Variants in COL13A1 observed in about 807,000 individuals in gnomAD.
COL13A1 encodes the protein collagen type XIII alpha 1 chain, also known as collagen alpha-1(XIII) chain.
Under a neutral mutation model 130.9 loss-of-function variants are expected in COL13A1, and 89 were observed. The observed-to-expected ratio is 0.68, with a 90% CI of 0.57 to 0.81. The LOEUF is 0.81. Among genes scored for constraint, COL13A1 ranks in the 30% least tolerant of loss-of-function variants. The probability of loss-of-function intolerance (pLI) is 0.00; values close to 1 mark genes in which losing one functional copy is unlikely to be tolerated. For synonymous variants in COL13A1, 402 were observed against 341.6 expected (o/e 1.18, Z -1.95); for missense variants, 879 against 934.6 (o/e 0.94, Z 0.78).
intron 17 of COL13A1, among the ~76,000 whole-genome samples, chr10:69,910,356 T>A (rs1304245259): frequency 6.6e-6 from 1 of 152,012 alleles, no homozygotes; most frequent in African/African-American, 2.4e-5. Context: ...GAGGTCAGGA[T>A]GTGAGCGGGA....
chr10:69,921,844 C>T (rs777842843), intron 21 of COL13A1, 38 bp from the exon 22 acceptor site: 2 of 1,586,918 alleles, frequency 1.3e-6, no homozygotes, highest in Non-Finnish European at 8.6e-7. Flanking sequence ...GCTGCAGAAA[C>T]AGTTCCTAAC....
chr10:69,930,167 G>T, intron 29 of COL13A1, 80 bp downstream of exon 29: 1 of 1,460,342 alleles, frequency 6.8e-7, no homozygotes, highest in South Asian at 1.2e-5. Flanking sequence ...GAAGGCTCTA[G>T]AATTGGCCCT....
intron 16 of COL13A1, 95 bp from the exon 17 acceptor site, chr10:69,905,692 C>T (rs1037815854): frequency 2.8e-5 from 40 of 1,405,514 alleles, no homozygotes; most frequent in South Asian, 1.6e-4. Context: ...TTGGAGTCAT[C>T]GAGAGGAAGA....
At chr10:69,828,939 T>C (rs937531340) in intron 2 of COL13A1, among the ~76,000 whole-genome samples, 1 of 152,222 alleles carries the variant, frequency 6.6e-6, no homozygotes, top group African/African-American at 2.4e-5. Context: ...ATGAGTCTCT[T>C]ACACAGCAAG....
chr10:69,919,511 T>C (rs2064353588), intron 20 of COL13A1, among the ~76,000 whole-genome samples, 154 bp from the exon 21 acceptor site: 1 of 152,136 alleles, frequency 6.6e-6, no homozygotes, highest in Non-Finnish European at 1.5e-5. Context: ...TTATGTGGCA[T>C]TTTCAAAACG....
At chr10:69,806,463 G>A (rs1376817961) in intron 1 of COL13A1, among the ~76,000 whole-genome samples, 5 of 152,332 alleles carry the variant, frequency 3.3e-5, no homozygotes, top group South Asian at 2.1e-4. Context: ...GTGCAGAGCC[G>A]GGATTGGAGG....
chr10:69,910,709 T>G (rs1277166985), intron 17 of COL13A1, among the ~76,000 whole-genome samples: 1 of 152,250 alleles, frequency 6.6e-6, no homozygotes. Flanking sequence ...TTTATGACAC[T>G]GATCTACTTT....
At position 69,852,667 on chromosome 10, in the gene COL13A1, C is replaced by T. The variant is rs80189523; in HGVS notation, c.365-15131C>T. On this transcript the variant is annotated intron_variant, in intron 2 of 40. Transcript: ENST00000645393. ...TCCTCTGACGAGCCTTGCAGCCCCA[C>T]GGAACCCCTGGTTGGGATGGTGGGC... Among the ~76,000 whole-genome samples, 536 of 152,358 alleles carry T rather than the reference C, an allele frequency of 3.5e-3. 5 individuals carry two copies. Among genetic ancestry groups the T allele is most frequent in the African/African-American group, 0.012 (505 of 41,586 alleles).
chr10:69,816,165 T>C (rs1844447369), intron 1 of COL13A1, among the ~76,000 whole-genome samples: 1 of 148,460 alleles, frequency 6.7e-6, no homozygotes, highest in South Asian at 2.2e-4. Context: ...CGTTAGAAGG[T>C]TATCACAGTA....
intron 37 of COL13A1, among the ~76,000 whole-genome samples, chr10:69,946,576 G>A (rs1339832898): frequency 6.6e-6 from 1 of 152,206 alleles, no homozygotes; most frequent in African/African-American, 2.4e-5. Flanking sequence ...TCCCCTAGCT[G>A]TAGAATGAAG....
intron 2 of COL13A1, chr10:69,829,316 A>T: frequency 1.1e-6 from 1 of 950,684 alleles, no homozygotes; most frequent in Non-Finnish European, 1.3e-6. Context: ...ATAACTCCAG[A>T]TAACCAAAGC....
rs529518193 is a variant in COL13A1 at position 69,925,939 on chromosome 10, AG to A, written c.1398+72del. On this transcript the variant is annotated intron_variant, in intron 26 of 40. Coordinates refer to ENST00000645393, the MANE Select transcript of COL13A1 (RefSeq NM_001368882.1). Reference sequence around the variant, plus strand: ...TCAGGCTCTGCACCATGCCCTGATCAGGGGGCCCTTCCACACAGCCGAGTAG... The same window carrying A: ...TCAGGCTCTGCACCATGCCCTGATCAGGGGCCCTTCCACACAGCCGAGTAG... 2.3e-4 allele frequency: 317 copies of A among 1,368,524 alleles called. 2 individuals are homozygous for A. In the African/African-American group the frequency reaches 3.8e-3, roughly 17 times the overall value. 84.8% of individuals were successfully genotyped at this position (1,368,524 alleles called of 1,614,324 possible).
intron 38 of COL13A1, among the ~76,000 whole-genome samples, chr10:69,947,624 AGCTCTTTCTAGGTT>A (rs764254323): frequency 4.3e-4 from 66 of 152,242 alleles, no homozygotes; most frequent in Non-Finnish European, 7.6e-4. Flanking sequence ...CCATGTGTCC[AGCTCTTTCTAGGTT>A]GCCCTGATTG....
chr10:69,914,876 T>C (rs2135456560), intron 17 of COL13A1, among the ~76,000 whole-genome samples: 1 of 152,348 alleles, frequency 6.6e-6, no homozygotes, highest in East Asian at 1.9e-4. Flanking sequence ...AGTGAGCTTT[T>C]CTGGGCATCC....
chr10:69,957,458 C>T (rs189782705), intron 40 of COL13A1, among the ~76,000 whole-genome samples: 1 of 152,290 alleles, frequency 6.6e-6, no homozygotes, highest in Admixed American at 6.5e-5. Context: ...GCTACTGTGC[C>T]TCCCCTAGGG....
chr10:69,874,035 T>C (rs2059345932), intron 4 of COL13A1, among the ~76,000 whole-genome samples: 1 of 152,254 alleles, frequency 6.6e-6, no homozygotes, highest in South Asian at 2.1e-4. Flanking sequence ...ACAGAACTGA[T>C]GCTCAGAAAG....
intron 10 of COL13A1, among the ~76,000 whole-genome samples, chr10:69,889,654 G>A (rs549952797): frequency 6.6e-6 from 1 of 152,352 alleles, no homozygotes; most frequent in Admixed American, 6.5e-5. Context: ...GAAGCATGAG[G>A]ATGGGAGATC....
At chr10:69,925,100 A>G in intron 25 of COL13A1, 93 bp downstream of exon 25, 1 of 1,333,970 alleles carries the variant, frequency 7.5e-7, no homozygotes, top group Non-Finnish European at 9.9e-7. Flanking sequence ...TTAGAAGTTT[A>G]TTTTGCCAAG....
intron 2 of COL13A1, chr10:69,829,382 G>T (rs1227680222): frequency 9.3e-6 from 5 of 535,110 alleles, no homozygotes; most frequent in African/African-American, 2.1e-5. Flanking sequence ...AACACAGCTT[G>T]TTACCTGCTC....
Sources: gnomAD v4.1 joint callset for allele counts (sites outside exome capture counted in the v4.1 genomes callset) on GRCh38, gnomAD v4.1.1 for gene constraint, MANE v1.5 for transcripts, NCBI Gene and HGNC (gene_info 2026-07-23, HGNC 2026-07-21) for gene names.